DNAI2: variants seen among roughly 807,000 people sequenced by gnomAD.
DNAI2 encodes the protein dynein axonemal intermediate chain 2, also known as dynein, axonemal, intermediate polypeptide 2.
A neutral mutation model predicts 74.7 loss-of-function variants in DNAI2; 63 were observed. The observed-to-expected ratio is 0.84, with a 90% CI of 0.69 to 1.04. The LOEUF (loss-of-function observed/expected upper bound fraction) is 1.04. Among genes scored for constraint, DNAI2 ranks in the 50% least tolerant of loss-of-function variants. The pLI is 0.00. For missense variants in DNAI2, 688 were observed against 803.2 expected, an observed-to-expected ratio of 0.86 and a Z score of 1.73; for synonymous variants, 289 against 314.9, an observed-to-expected ratio of 0.92 and a Z score of 0.87.
chr17:74,289,866 A>C (rs751982696), intron 5 of DNAI2, 130 bp downstream of exon 5: 135 of 1,102,586 alleles, frequency 1.2e-4, no homozygotes, highest in Non-Finnish European at 1.7e-4. Flanking sequence ...AAGGGCCCGC[A>C]GTCGAGGAGG....
At chr17:74,306,869 C>T (rs2053219255) in intron 9 of DNAI2, among the ~76,000 whole-genome samples, 1 of 152,242 alleles carries the variant, frequency 6.6e-6, no homozygotes. Flanking sequence ...TCGCCTGCCT[C>T]AGCCTCCCGA....
At chr17:74,285,440 C>T (rs2051660620) in intron 3 of DNAI2, among the ~76,000 whole-genome samples, 1 of 152,126 alleles carries the variant, frequency 6.6e-6, no homozygotes, top group African/African-American at 2.4e-5. Flanking sequence ...AGGAGTCTGA[C>T]CTTGGGCAAA....
At chr17:74,312,334 A>AAGACTACTTGCTCAAG in intron 12 of DNAI2, 104 bp downstream of exon 12, 2 of 836,590 alleles carry the variant, frequency 2.4e-6, no homozygotes, top group Non-Finnish European at 3.8e-6. Context: ...TTGAGCAAGT[A>AAGACTACTTGCTCAAG]GTCTTACCTG....
intron 3 of DNAI2, 37 bp from the exon 4 acceptor site, chr17:74,286,940 C>T: frequency 2.5e-6 from 4 of 1,613,402 alleles, no homozygotes; most frequent in Non-Finnish European, 3.4e-6. Context: ...AAAGGACCTC[C>T]ATTTACTGCG....
intron 6 of DNAI2, among the ~76,000 whole-genome samples, chr17:74,293,022 A>G (rs1420078698): frequency 6.6e-6 from 1 of 150,914 alleles, no homozygotes; most frequent in African/African-American, 2.4e-5. Flanking sequence ...TTTAGTAGAG[A>G]CGGGGTTTCA....
intron 8 of DNAI2, among the ~76,000 whole-genome samples, chr17:74,303,222 T>C (rs12449982): frequency 0.49 from 74,218 of 151,924 alleles, 19,793 homozygotes; most frequent in Non-Finnish European, 0.63. Flanking sequence ...CTGGTAAAGC[T>C]GGGACTCAAA....
intron 6 of DNAI2, among the ~76,000 whole-genome samples, chr17:74,299,073 A>T (rs1434505446): frequency 6.6e-6 from 1 of 152,244 alleles, no homozygotes; most frequent in Non-Finnish European, 1.5e-5. Context: ...TCTGAGTGAC[A>T]GGGTGAGCCC....
chr17:74,309,508 T>G, intron 10 of DNAI2, 120 bp downstream of exon 10: 1 of 1,407,714 alleles, frequency 7.1e-7, no homozygotes, highest in South Asian at 1.2e-5. Flanking sequence ...TTTGGGCCTC[T>G]GTGGGGGAGC....
At chr17:74,296,236 A>G (rs752393507) in intron 6 of DNAI2, among the ~76,000 whole-genome samples, 4 of 151,694 alleles carry the variant, frequency 2.6e-5, no homozygotes, top group Non-Finnish European at 4.4e-5. Context: ...ACACTTTGAG[A>G]AGCTGAGGCG....
rs758678063 is a variant in DNAI2, at chr17:74,286,967, T to C, written c.346-10T>C. The C allele has an allele frequency of 3.1e-6, 5 of 1,613,644 alleles. No individual in the cohort carries two copies. The highest frequency in any genetic ancestry group is 4.2e-6 in the Non-Finnish European group (5 of 1,179,734). On this transcript the variant is annotated splice_polypyrimidine_tract_variant and intron_variant, in intron 3 of 13. Transcript: ENST00000311014. The stretch of plus-strand genomic sequence containing the variant: ...TTTACTGCGGAGAACTTCCAATGTG[T>C]CCCCCCTAGATCATGGAGCACTGCA...
intron 9 of DNAI2, 50 bp from the exon 10 acceptor site, chr17:74,309,203 G>A: frequency 1.9e-6 from 3 of 1,610,690 alleles, no homozygotes; most frequent in South Asian, 1.1e-5. Flanking sequence ...GCCAAGCTGT[G>A]GCTCAGAAGC....
At chr17:74,287,409 C>T (rs2051819312) in intron 4 of DNAI2, among the ~76,000 whole-genome samples, 1 of 152,232 alleles carries the variant, frequency 6.6e-6, no homozygotes. Flanking sequence ...GCACTGTGGG[C>T]ACACAGGCCC....
intron 6 of DNAI2, among the ~76,000 whole-genome samples, chr17:74,291,950 A>G (rs943210681): frequency 6.6e-6 from 1 of 150,806 alleles, no homozygotes; most frequent in South Asian, 2.1e-4. Context: ...TGCAGCCTCC[A>G]CCTCTCGGAT....
intron 9 of DNAI2, among the ~76,000 whole-genome samples, chr17:74,307,563 G>A (rs1273010394): frequency 1.3e-5 from 2 of 152,062 alleles, no homozygotes; most frequent in Admixed American, 6.5e-5. Context: ...CAGCACTTTG[G>A]GAGGCCGAGG....
chr17:74,282,856 A>T (rs1291461785), intron 2 of DNAI2, among the ~76,000 whole-genome samples: 2 of 152,350 alleles, frequency 1.3e-5, no homozygotes, highest in East Asian at 3.9e-4. Context: ...AACACGTCCA[A>T]CAGTCAGGTG....
chr17:74,281,351 C>T (rs982891343), intron 1 of DNAI2, among the ~76,000 whole-genome samples: 2 of 150,118 alleles, frequency 1.3e-5, no homozygotes, highest in Non-Finnish European at 3.0e-5. Flanking sequence ...GTTCTCCTCC[C>T]GAGTTCAAGT....
chr17:74,309,194 C>CCAAG, intron 9 of DNAI2, 59 bp from the exon 10 acceptor site: 2 of 1,604,992 alleles, frequency 1.2e-6, no homozygotes, highest in Non-Finnish European at 8.5e-7. Context: ...ACCAAGTGAG[C>CCAAG]CAAGCTGTGG....
chr17:74,312,907 A>T (rs1172574679), intron 12 of DNAI2, among the ~76,000 whole-genome samples: 1 of 152,182 alleles, frequency 6.6e-6, no homozygotes, highest in Non-Finnish European at 1.5e-5. Context: ...CACAGATAAG[A>T]TGCCAAGATA....
chr17:74,287,954 CAAAA>C (rs35302128), intron 4 of DNAI2, among the ~76,000 whole-genome samples: 1 of 134,542 alleles, frequency 7.4e-6, no homozygotes. Context: ...GACTCTGTCT[CAAAA>C]AAAAAAAAAA....
Sources: allele counts gnomAD v4.1 joint callset (sites outside exome capture counted in the v4.1 genomes callset), GRCh38; gene constraint gnomAD v4.1.1; transcripts MANE v1.5; gene names NCBI Gene and HGNC (gene_info 2026-07-23, HGNC 2026-07-21).